The following ANK1 variants were observed in gnomAD, a reference collection of about 807,000 sequenced individuals.
ANK1 encodes the protein ankyrin 1.
A neutral mutation model predicts 210.4 loss-of-function variants in ANK1; 51 were observed. That is an observed-to-expected ratio of 0.24 (90% CI 0.19 to 0.31). The LOEUF (loss-of-function observed/expected upper bound fraction) is 0.31, where lower values mean the gene tolerates loss of function less well. Ranked by LOEUF, ANK1 falls within the 10% of genes least tolerant of loss-of-function variation. The probability of loss-of-function intolerance (pLI) is 1.00; values close to 1 mark genes in which losing one functional copy is unlikely to be tolerated. For synonymous variants in ANK1, 967 were observed against 1,025.9 expected (o/e 0.94, Z 1.10); for missense variants, 2,051 against 2,504.4 (o/e 0.82, Z 3.86).
At chr8:41,815,171 A>G (rs1462360229) in intron 1 of ANK1, among the ~76,000 whole-genome samples, 1 of 152,222 alleles carries the variant, frequency 6.6e-6, no homozygotes, top group Non-Finnish European at 1.5e-5. Flanking sequence ...ATAATCATAA[A>G]AAGCCTTAAC....
intron 1 of ANK1, among the ~76,000 whole-genome samples, chr8:41,773,569 T>A (rs1217274339): frequency 6.6e-6 from 1 of 152,152 alleles, no homozygotes; most frequent in Non-Finnish European, 1.5e-5. Context: ...CCTAACGAGC[T>A]CGTGAGTTGG....
chr8:41,775,464 C>T (rs1216539568), intron 1 of ANK1, among the ~76,000 whole-genome samples: 1 of 152,226 alleles, frequency 6.6e-6, no homozygotes, highest in Non-Finnish European at 1.5e-5. Context: ...TTGAACCATC[C>T]ATTGGGAACT....
Position 41,797,515 on chromosome 8 carries a change from G to A in ANK1, c.24C>T (p.Arg8=), listed in dbSNP as rs764853398. Residue 8 remains arginine, a synonymous_variant, in exon 1 of 43, where the codon CGC becomes CGT. Transcript: ENST00000289734. This position sits in a 1 kb window ranked among gnomAD's most constrained non-coding sequence, Gnocchi z 4.0. MPYSVGF[R]EADAATSFLR... ...CGAGCAGCCGCCCAGTACTCACTTC[G>A]CGGAAGCCCACAGAATAGGGCATGC... is the stretch of plus-strand genomic sequence containing the variant. 2.0e-5 allele frequency: 33 copies of A among 1,613,576 alleles called. No homozygotes were observed. The highest frequency in any genetic ancestry group is 2.6e-5 in the Non-Finnish European group (31 of 1,179,838).
rs141235150 is a variant in ANK1 at position 41,760,998 on chromosome 8, A to G, written c.28-2861T>C. On this transcript the variant is annotated intron_variant, in intron 1 of 42. Transcript: ENST00000289734. ...CCTGTGAAGGTGACCTTATTTGAAA[A>G]AAAAGTCTTTGTAGATGTAATTAAG... Among the ~76,000 whole-genome samples the G allele has an allele frequency of 2.5e-3, 375 of 152,290 alleles. 1 individual carries two copies. The highest frequency in any genetic ancestry group is 8.2e-3 in the African/African-American group (341 of 41,550).
rs185000145 is a variant in ANK1 at position 41,868,337 on chromosome 8, C to G, written c.126+28018G>C. Among the ~76,000 whole-genome samples the G allele has an allele frequency of 2.7e-3, 417 of 152,266 alleles. 2 individuals carry two copies. Among genetic ancestry groups the G allele is most frequent in the African/African-American group, 9.5e-3 (395 of 41,546 alleles). On this transcript the variant is annotated intron_variant, in intron 1 of 42. Coordinates refer to the ANK1 transcript ENST00000265709. ...ACTAGGTGCTGGTTGCACCCTTCCT[C>G]CCAATTATGATACCTTACATGTTTC...
In ANK1 at chr8:41,725,031, A is replaced by T. The variant is rs184787080; in HGVS notation, c.613-477T>A. Among the ~76,000 whole-genome samples the T allele has an allele frequency of 3.6e-3, 554 of 151,974 alleles. 2 individuals carry two copies. Among genetic ancestry groups the T allele is most frequent in the African/African-American group, 7.4e-3 (308 of 41,444 alleles). ...AACACCATCATGCCCAGCTAATTTT[A>T]AAAAAAATGTTTTAGAGGCAGGGTC... On this transcript the variant is annotated intron_variant, in intron 6 of 42. Transcript: ENST00000289734.
At chr8:41,763,471 C>T (rs1024387289) in intron 1 of ANK1, among the ~76,000 whole-genome samples, 1 of 151,970 alleles carries the variant, frequency 6.6e-6, no homozygotes, top group African/African-American at 2.4e-5. Flanking sequence ...AATAACTTGC[C>T]CAAGTTCTGC....
intron 10 of ANK1, among the ~76,000 whole-genome samples, chr8:41,719,066 G>C (rs1204698386): frequency 6.6e-6 from 1 of 152,188 alleles, no homozygotes; most frequent in East Asian, 1.9e-4. Flanking sequence ...CTTGGGAAGA[G>C]GCAGAGAGGA....
At position 41,844,077 on chromosome 8, in the gene ANK1, T is replaced by C. The variant is rs201093253; in HGVS notation, c.126+52278A>G. ...TTATAGGGATGGGGTCTTACTATGT[T>C]GTCCAGGCTGGTCTTGAACTCCTGG... On this transcript the variant is annotated intron_variant, in intron 1 of 42. Transcript: ENST00000265709. 1.6e-4 allele frequency among the ~76,000 whole-genome samples: 25 copies of C among 152,314 alleles called. No homozygotes were observed. In the East Asian group the frequency reaches 4.3e-3, roughly 26 times the overall value.
chr8:41,827,815 AC>A (rs1193379102), intron 1 of ANK1, among the ~76,000 whole-genome samples: 2 of 151,242 alleles, frequency 1.3e-5, no homozygotes, highest in Non-Finnish European at 2.9e-5. Flanking sequence ...GCACACACCC[AC>A]ATACACACAC....
chr8:41,767,578 T>C (rs2150728984), intron 1 of ANK1, among the ~76,000 whole-genome samples: 1 of 152,246 alleles, frequency 6.6e-6, no homozygotes, highest in Admixed American at 6.5e-5. Context: ...TCATTTTCTC[T>C]CCATGATTAT....
Position 41,714,238 on chromosome 8 carries a change from A to AG in ANK1, c.1717dup (p.Leu573ProfsTer48). 6 of 1,552,464 alleles carry AG rather than the reference A, an allele frequency of 3.9e-6. No individual in the cohort carries two copies. The highest frequency in any genetic ancestry group is 2.5e-5 in the South Asian group (2 of 81,240). On this transcript the variant is annotated frameshift_variant, in exon 16 of 43. Transcript: ENST00000289734. LOFTEE classifies it high-confidence loss of function. Reference sequence around the variant, plus strand: ...GTTGTTGTGATGGACGGCCACGTGCAGGGGGGTCAGGCCATTCTGCAGGGG... The same window carrying AG: ...GTTGTTGTGATGGACGGCCACGTGCAGGGGGGGTCAGGCCATTCTGCAGGGG...
intron 1 of ANK1, among the ~76,000 whole-genome samples, chr8:41,885,599 C>T (rs1818328164): frequency 6.6e-6 from 1 of 152,184 alleles, no homozygotes; most frequent in Admixed American, 6.5e-5. Context: ...ACACACCTGT[C>T]CCTTCCCAAG....
chr8:41,793,143 A>G (rs1848081201), intron 1 of ANK1, among the ~76,000 whole-genome samples: 1 of 152,206 alleles, frequency 6.6e-6, no homozygotes, highest in Non-Finnish European at 1.5e-5. Context: ...TTGAGAGGCC[A>G]AGGAGGGAAG....
intron 36 of ANK1, among the ~76,000 whole-genome samples, chr8:41,685,839 T>C (rs1276977853): frequency 6.6e-6 from 1 of 152,186 alleles, no homozygotes; most frequent in Admixed American, 6.5e-5. Flanking sequence ...GTTCTCGAAC[T>C]CCTAGGCTCA....
intron 1 of ANK1, among the ~76,000 whole-genome samples, chr8:41,839,070 C>T (rs956522525): frequency 6.6e-6 from 1 of 152,102 alleles, no homozygotes; most frequent in Admixed American, 6.6e-5. Flanking sequence ...GAGTGAGACT[C>T]CTTCTCAAAA....
chr8:41,698,890 G>A (rs751362560), intron 23 of ANK1, among the ~76,000 whole-genome samples: 10 of 151,918 alleles, frequency 6.6e-5, no homozygotes, highest in Admixed American at 6.6e-5. Context: ...TCCGCCTCCC[G>A]GGTTCAAGCA....
intron 1 of ANK1, among the ~76,000 whole-genome samples, chr8:41,857,113 A>G (rs1029040879): frequency 4.6e-5 from 7 of 151,586 alleles, no homozygotes; most frequent in African/African-American, 1.5e-4. Context: ...TCCTGACCTC[A>G]AAATGATTCG....
At chr8:41,821,989 G>T (rs933452981) in intron 1 of ANK1, among the ~76,000 whole-genome samples, 1 of 151,722 alleles carries the variant, frequency 6.6e-6, no homozygotes, top group Non-Finnish European at 1.5e-5. Flanking sequence ...GGCAGAGGTT[G>T]CAGTGAGCCG....
Sources: gnomAD v4.1 joint callset for allele counts (sites outside exome capture counted in the v4.1 genomes callset) on GRCh38, gnomAD v4.1.1 for gene constraint, Gnocchi (gnomAD v3.1) non-coding constraint, MANE v1.5 for transcripts, NCBI Gene and HGNC (gene_info 2026-07-23, HGNC 2026-07-21) for gene names.